WFDC8: variants seen among roughly 807,000 people sequenced by gnomAD.
The protein encoded by WFDC8 is WAP four-disulfide core domain 8.
In WFDC8, 24 loss-of-function variants were observed where a neutral mutation model predicts 27.0. That is an observed-to-expected ratio of 0.89 (90% CI 0.64 to 1.25). The LOEUF (loss-of-function observed/expected upper bound fraction) is 1.25. Among genes scored for constraint, WFDC8 ranks in the 50% most tolerant of loss-of-function variants. The pLI is 0.00. For synonymous variants in WFDC8, 106 were observed against 99.7 expected, an observed-to-expected ratio of 1.06 and a Z score of -0.38; for missense variants, 287 against 295.9, an observed-to-expected ratio of 0.97 and a Z score of 0.22.
chr20:45,551,904 ACAT>A lies in WFDC8; in HGVS notation c.*119_*121del, dbSNP rs1980046898. 1 of 1,219,710 alleles carries A rather than the reference ACAT, an allele frequency of 8.2e-7. No homozygotes were observed. Among genetic ancestry groups the A allele is most frequent in the Non-Finnish European group, 1.1e-6 (1 of 879,622 alleles). 75.6% of individuals were successfully genotyped at this position (1,219,710 alleles called of 1,614,324 possible). ...TGGGATTATATATAAAATCAAAGTA[ACAT>A]CATTCAATATTGTGATACTTAAGAT... On this transcript the variant is annotated 3_prime_UTR_variant, in exon 6 of 6. Coordinates refer to ENST00000289953, the MANE Select transcript of WFDC8 (RefSeq NM_130896.3).
rs189995359 is a variant in WFDC8 at position 45,556,575 on chromosome 20, A to G, written c.278-707T>C. Reference sequence around the variant, plus strand: ...TGTGGCTGGTCATTGGAAGTTGACAATGACCAACTGAGAGCAGTCATCAAA... The same window carrying G: ...TGTGGCTGGTCATTGGAAGTTGACAGTGACCAACTGAGAGCAGTCATCAAA... On this transcript the variant is annotated intron_variant, in intron 3 of 5. Coordinates refer to ENST00000289953, the MANE Select transcript of WFDC8 (RefSeq NM_130896.3). Among the ~76,000 whole-genome samples, 208 of 152,272 alleles carry G rather than the reference A, an allele frequency of 1.4e-3. 1 individual carries two copies. The highest frequency in any genetic ancestry group is 2.0e-3 in the Non-Finnish European group (134 of 68,028).
intron 4 of WFDC8, among the ~76,000 whole-genome samples, chr20:45,554,311 A>G (rs1214709648): frequency 6.6e-6 from 1 of 152,062 alleles, no homozygotes; most frequent in Non-Finnish European, 1.5e-5. Flanking sequence ...TATAGGTGTG[A>G]GCTACTGTGC....
chr20:45,568,242 A>G, intron 1 of WFDC8: 1 of 241,752 alleles, frequency 4.1e-6, no homozygotes, highest in Non-Finnish European at 8.5e-6. Flanking sequence ...GCTCAAGGGT[A>G]TCTTTGTGGT....
At chr20:45,574,542 C>G (rs12479541) in intron 1 of WFDC8, among the ~76,000 whole-genome samples, 54,881 of 152,070 alleles carry the variant, frequency 0.36, 10,578 homozygotes, top group Non-Finnish European at 0.43. Context: ...CACCTGTAAT[C>G]CCAGCAATTT....
chr20:45,552,022 C>G lies in WFDC8; in HGVS notation c.*4G>C, dbSNP rs761137504. On this transcript the variant is annotated 3_prime_UTR_variant, in exon 6 of 6. Transcript: ENST00000289953. ...TTTTGATGATAATATTTTCTACTTA[C>G]TATTCAACGTCTGGGGTCCATACAT... The G allele has an allele frequency of 6.2e-7, 1 of 1,613,104 alleles. No individual in the cohort carries two copies.
At chr20:45,573,653 G>A (rs1980945660) in intron 1 of WFDC8, among the ~76,000 whole-genome samples, 1 of 152,104 alleles carries the variant, frequency 6.6e-6, no homozygotes, top group Non-Finnish European at 1.5e-5. Flanking sequence ...TTATGGCTGA[G>A]TGGTGTATAT....
intron 1 of WFDC8, among the ~76,000 whole-genome samples, chr20:45,562,476 T>G (rs1290977367): frequency 1.3e-5 from 2 of 152,180 alleles, no homozygotes; most frequent in Non-Finnish European, 2.9e-5. Flanking sequence ...CACTTGCCTA[T>G]TGTCTTGTTC....
intron 2 of WFDC8, among the ~76,000 whole-genome samples, chr20:45,560,519 A>G (rs1980429188): frequency 6.6e-6 from 1 of 152,236 alleles, no homozygotes; most frequent in African/African-American, 2.4e-5. Context: ...CTCCAGTGGA[A>G]TCTGGCCAGA....
chr20:45,579,228 T>C lies in WFDC8; in HGVS notation c.20A>G (p.Glu7Gly). 6.2e-7 allele frequency: 1 copy of C among 1,613,718 alleles called. No individual in the cohort carries two copies. Among genetic ancestry groups the C allele is most frequent in the Non-Finnish European group, 8.5e-7 (1 of 1,179,908 alleles). MWTVRT[E>G]GGHFPLHSPT... ...CCATAGACACCCTCCTCACCCTCCT[T>C]CAGTTCGGACAGTCCACATCAGGCC... Residue 7 changes from glutamate to glycine, a missense_variant, in exon 1 of 6, where the codon GAA becomes GGA. Glu to Gly is a moderately conservative substitution (Grantham distance 98). Transcript: ENST00000289953.
chr20:45,561,050 G>C (rs903022448), intron 2 of WFDC8, among the ~76,000 whole-genome samples: 3 of 152,170 alleles, frequency 2.0e-5, no homozygotes, highest in African/African-American at 7.2e-5. Flanking sequence ...AACTGGGTTT[G>C]AGTTGTTGTA....
intron 1 of WFDC8, among the ~76,000 whole-genome samples, chr20:45,574,889 A>G (rs1218857795): frequency 2.0e-5 from 3 of 152,246 alleles, no homozygotes. Flanking sequence ...AAAGCAATCA[A>G]TGTGGTGAAC....
In WFDC8 at chr20:45,562,237, G is replaced by A. The variant is rs1418976107; in HGVS notation, c.27-18C>T. The A allele has an allele frequency of 1.2e-6, 2 of 1,603,204 alleles. No individual in the cohort carries two copies. Among genetic ancestry groups the A allele is most frequent in the East Asian group, 2.2e-5 (1 of 44,826 alleles). ...GAAAGTGCCTGTATGGATGAGAAGA[G>A]AGGTGGGAGTTAAGCACAATCCAGA... On this transcript the variant is annotated intron_variant, in intron 1 of 5. Coordinates refer to ENST00000289953, the MANE Select transcript of WFDC8 (RefSeq NM_130896.3).
At chr20:45,560,391 C>T (rs1274873012) in intron 2 of WFDC8, among the ~76,000 whole-genome samples, 3 of 152,156 alleles carry the variant, frequency 2.0e-5, no homozygotes, top group Non-Finnish European at 2.9e-5. Flanking sequence ...TGGTAAGACC[C>T]GGAGCAAAGA....
chr20:45,565,836 A>G lies in WFDC8; in HGVS notation c.27-3617T>C, dbSNP rs187892539. ...AATGAAGACATTCTTTTGTGGGAGA[A>G]ATGAGTTTGACTGATTTGGCTGATG... On this transcript the variant is annotated intron_variant, in intron 1 of 5. Coordinates refer to ENST00000289953, the MANE Select transcript of WFDC8 (RefSeq NM_130896.3). Among the ~76,000 whole-genome samples the G allele has an allele frequency of 2.7e-3, 411 of 152,298 alleles. 1 individual carries two copies. The highest frequency in any genetic ancestry group is 4.2e-3 in the Non-Finnish European group (288 of 68,028).
intron 1 of WFDC8, among the ~76,000 whole-genome samples, chr20:45,578,024 TAAAAATAA>T (rs76532420): frequency 0.39 from 56,266 of 145,580 alleles, 12,422 homozygotes; most frequent in Non-Finnish European, 0.45. Flanking sequence ...ACAAAAAAAA[TAAAAATAA>T]AAATAAATAA....
At chr20:45,557,581 C>T (rs1353889828) in intron 3 of WFDC8, among the ~76,000 whole-genome samples, 5 of 152,050 alleles carry the variant, frequency 3.3e-5, no homozygotes, top group South Asian at 2.1e-4. Flanking sequence ...TACAGGCACC[C>T]GCCAACATGC....
chr20:45,553,934 T>C (rs184386915), intron 4 of WFDC8, among the ~76,000 whole-genome samples: 1 of 152,312 alleles, frequency 6.6e-6, no homozygotes, highest in Admixed American at 6.5e-5. Flanking sequence ...ATGAGAAGCA[T>C]GGATAGAACC....
At chr20:45,576,327 C>CTGGTGAACTGAGTCTTTTT (rs1446620130) in intron 1 of WFDC8, among the ~76,000 whole-genome samples, 1 of 151,012 alleles carries the variant, frequency 6.6e-6, no homozygotes, top group East Asian at 1.9e-4. Flanking sequence ...AAATGTATTC[C>CTGGTGAACTGAGTCTTTTT]TGGTGAACTG....
chr20:45,560,453 C>A (rs570144321), intron 2 of WFDC8, among the ~76,000 whole-genome samples: 2 of 152,200 alleles, frequency 1.3e-5, no homozygotes, highest in Non-Finnish European at 2.9e-5. Flanking sequence ...TGTTACGTAG[C>A]AAAGGATAGC....
Sources: allele counts gnomAD v4.1 joint callset (sites outside exome capture counted in the v4.1 genomes callset), GRCh38; gene constraint gnomAD v4.1.1; transcripts MANE v1.5; gene names NCBI Gene and HGNC (gene_info 2026-07-23, HGNC 2026-07-21).